Variants in PLCB1 observed in about 807,000 individuals in gnomAD.
PLCB1 encodes phospholipase C beta 1, also known as 1-phosphatidylinositol 4,5-bisphosphate phosphodiesterase beta-1.
PLCB1 carries 46 observed loss-of-function variants against 161.8 expected under a neutral mutation model. The ratio of observed to expected loss-of-function variants is 0.28; its 90% CI spans 0.22 to 0.36. PLCB1 has a LOEUF of 0.36. Among genes scored for constraint, PLCB1 ranks in the 10% least tolerant of loss-of-function variants. The pLI, the probability that PLCB1 is intolerant of heterozygous loss-of-function variation, is 1.00. For missense variants in PLCB1, 1,016 were observed against 1,472.5 expected (o/e 0.69, Z 5.07); for synonymous variants, 517 against 503.7 (o/e 1.03, Z -0.35).
chr20:8,433,956 C>T (rs1178896558), intron 3 of PLCB1, among the ~76,000 whole-genome samples: 2 of 114,874 alleles, frequency 1.7e-5, no homozygotes, highest in Non-Finnish European at 3.9e-5. Context: ...ATTAGTCAAC[C>T]CATTATGTGT....
chr20:8,275,873 A>G (rs1982516591), intron 2 of PLCB1, among the ~76,000 whole-genome samples: 1 of 149,706 alleles, frequency 6.7e-6, no homozygotes, highest in Non-Finnish European at 1.5e-5. Context: ...TTATTTTTTT[A>G]CTTTATCTTT....
At chr20:8,459,425 C>T (rs1175815409) in intron 3 of PLCB1, among the ~76,000 whole-genome samples, 1 of 152,130 alleles carries the variant, frequency 6.6e-6, no homozygotes, top group Non-Finnish European at 1.5e-5. Context: ...CCCTAGTCTG[C>T]CATGTATTGC....
intron 9 of PLCB1, among the ~76,000 whole-genome samples, chr20:8,677,380 G>A (rs1044623974): frequency 6.6e-6 from 1 of 152,136 alleles, no homozygotes; most frequent in Non-Finnish European, 1.5e-5. Flanking sequence ...ACTCCAGCCT[G>A]GGCAACAAGA....
At chr20:8,523,496 C>CTCTCTCTATATATATA in intron 3 of PLCB1, among the ~76,000 whole-genome samples, 5 of 51,630 alleles carry the variant, frequency 9.7e-5, no homozygotes, top group African/African-American at 8.3e-5. Flanking sequence ...CTCTCTCTCT[C>CTCTCTCTATATATATA]TATATATATA....
rs528702640 is a variant in PLCB1 at position 8,158,987 on chromosome 20, G to A, written c.177+8616G>A. ...CTTTTCCAGGGGCATGGTGCAAGTTGTAGGTGGATCTACCATTCTAGAGTC... is the reference window on the plus strand; with the variant it reads ...CTTTTCCAGGGGCATGGTGCAAGTTATAGGTGGATCTACCATTCTAGAGTC... On this transcript the variant is annotated intron_variant, in intron 2 of 31. Transcript: ENST00000338037. 8.0e-4 allele frequency among the ~76,000 whole-genome samples: 118 copies of A among 148,414 alleles called. 1 individual carries two copies. Among genetic ancestry groups the A allele is most frequent in the Middle Eastern group, 3.5e-3 (1 of 288 alleles).
At chr20:8,615,524 A>G (rs1988020249) in intron 3 of PLCB1, among the ~76,000 whole-genome samples, 1 of 152,126 alleles carries the variant, frequency 6.6e-6, no homozygotes. Context: ...GTTATTATCC[A>G]CCTTCTGAGA....
At chr20:8,744,729 A>C (rs1384147326) in intron 23 of PLCB1, among the ~76,000 whole-genome samples, 1 of 152,070 alleles carries the variant, frequency 6.6e-6, no homozygotes, top group Non-Finnish European at 1.5e-5. Context: ...ATTGAGCTAA[A>C]GGTCTCATAA....
At chr20:8,707,363 A>G (rs1417293157) in intron 11 of PLCB1, among the ~76,000 whole-genome samples, 1 of 152,216 alleles carries the variant, frequency 6.6e-6, no homozygotes, top group Admixed American at 6.5e-5. Flanking sequence ...ATCCCTATTT[A>G]AAAGGAGAAT....
At chr20:8,571,629 G>A (rs1477990945) in intron 3 of PLCB1, among the ~76,000 whole-genome samples, 1 of 152,088 alleles carries the variant, frequency 6.6e-6, no homozygotes, top group Non-Finnish European at 1.5e-5. Flanking sequence ...AGGATTGAGA[G>A]GAATGGAAGG....
At chr20:8,808,322 A>G (rs1390424505) in intron 31 of PLCB1, among the ~76,000 whole-genome samples, 1 of 152,160 alleles carries the variant, frequency 6.6e-6, no homozygotes, top group Non-Finnish European at 1.5e-5. Context: ...GCTTTTTGCC[A>G]TGTCCTCAGA....
rs1568549645 is a variant in PLCB1, at chr20:8,658,711, A to T, written c.862+7A>T. 6.3e-7 allele frequency: 1 copy of T among 1,593,744 alleles called. No homozygotes were observed. Among genetic ancestry groups the T allele is most frequent in the South Asian group, 1.1e-5 (1 of 87,556 alleles). ...AACAGCCTCGCCAGAAAAGGTCAGTACTTTCTTTCACACCAAAGGGAAGCT... is the reference window on the plus strand; with the variant it reads ...AACAGCCTCGCCAGAAAAGGTCAGTTCTTTCTTTCACACCAAAGGGAAGCT... On this transcript the variant is annotated splice_region_variant and intron_variant, in intron 9 of 31. Coordinates refer to ENST00000338037, the MANE Select transcript of PLCB1 (RefSeq NM_015192.4).
At chr20:8,552,196 G>T (rs567539412) in intron 3 of PLCB1, among the ~76,000 whole-genome samples, 1 of 152,212 alleles carries the variant, frequency 6.6e-6, no homozygotes, top group South Asian at 2.1e-4. Flanking sequence ...GGCACCAACT[G>T]TTTGAATGAT....
At chr20:8,369,407 A>G (rs1319897911) in intron 2 of PLCB1, among the ~76,000 whole-genome samples, 3 of 152,172 alleles carry the variant, frequency 2.0e-5, no homozygotes, top group Non-Finnish European at 2.9e-5. Context: ...CTCCTCTTCC[A>G]GCAAATATTT....
At chr20:8,661,888 C>G (rs925933132) in intron 9 of PLCB1, among the ~76,000 whole-genome samples, 1 of 135,880 alleles carries the variant, frequency 7.4e-6, no homozygotes, top group Non-Finnish European at 1.5e-5. Context: ...CACACAGTGA[C>G]AGACCCAGAG....
At chr20:8,517,314 C>T (rs950471010) in intron 3 of PLCB1, among the ~76,000 whole-genome samples, 8 of 152,246 alleles carry the variant, frequency 5.3e-5, no homozygotes, top group African/African-American at 1.2e-4. Context: ...TGAGAGGCGT[C>T]GTCTACATTT....
At chr20:8,709,959 A>T (rs550432035) in intron 12 of PLCB1, among the ~76,000 whole-genome samples, 56 of 152,280 alleles carry the variant, frequency 3.7e-4, no homozygotes, top group Admixed American at 3.7e-3. Context: ...TTGCTTTGCA[A>T]CTAGGTTCTG....
At chr20:8,703,879 T>C (rs1978510739) in intron 11 of PLCB1, among the ~76,000 whole-genome samples, 1 of 152,172 alleles carries the variant, frequency 6.6e-6, no homozygotes, top group Admixed American at 6.5e-5. Context: ...CGAGAGAGAT[T>C]TGACCTGGAG....
chr20:8,533,584 T>C (rs1984913914), intron 3 of PLCB1, among the ~76,000 whole-genome samples: 1 of 151,734 alleles, frequency 6.6e-6, no homozygotes, highest in Non-Finnish European at 1.5e-5. Context: ...TATCTCATTG[T>C]GGTTTTGATT....
chr20:8,257,266 GA>G (rs11332702), intron 2 of PLCB1, among the ~76,000 whole-genome samples: 1 of 151,924 alleles, frequency 6.6e-6, no homozygotes, highest in Non-Finnish European at 1.5e-5. Flanking sequence ...ACCAAGTCTA[GA>G]AAAATCAGGT....
Sources: allele counts gnomAD v4.1 joint callset (sites outside exome capture counted in the v4.1 genomes callset), GRCh38; gene constraint gnomAD v4.1.1; transcripts MANE v1.5; gene names NCBI Gene and HGNC (gene_info 2026-07-23, HGNC 2026-07-21).